The following PRKN variants were observed in gnomAD, a reference collection of about 807,000 sequenced individuals.
PRKN encodes the protein E3 ubiquitin-protein ligase parkin.
PRKN carries 56 observed loss-of-function variants against 59.5 expected under a neutral mutation model. The ratio of observed to expected loss-of-function variants is 0.94; its 90% CI spans 0.76 to 1.18. PRKN has a LOEUF of 1.18. Among genes scored for constraint, PRKN ranks in the 50% most tolerant of loss-of-function variants. The pLI is 0.00. For synonymous variants in PRKN, 250 were observed against 222.1 expected, an observed-to-expected ratio of 1.13 and a Z score of -1.12; for missense variants, 657 against 596.4, an observed-to-expected ratio of 1.10 and a Z score of -1.06.
chr6:162,093,658 C>A (rs1257615988), intron 4 of PRKN, among the ~76,000 whole-genome samples: 1 of 152,134 alleles, frequency 6.6e-6, no homozygotes, highest in African/African-American at 2.4e-5. Flanking sequence ...TCCTGTACCC[C>A]CTAAACATTT....
In PRKN at chr6:161,548,818, G is replaced by C; in HGVS notation, c.1083+36C>G. 1.2e-6 allele frequency: 2 copies of C among 1,604,590 alleles called. No individual in the cohort carries two copies. Among genetic ancestry groups the C allele is most frequent in the South Asian group, 2.2e-5 (2 of 90,876 alleles). ...CCATGTGCAAAAGCAAACAAGGACA[G>C]GAACACACCGCTCCAGGGGTGTGGG... On this transcript the variant is annotated intron_variant, in intron 9 of 11. Coordinates refer to ENST00000366898, the MANE Select transcript of PRKN (RefSeq NM_004562.3). This position sits in a 1 kb window ranked among gnomAD's most constrained non-coding sequence, Gnocchi z 4.2.
intron 4 of PRKN, among the ~76,000 whole-genome samples, chr6:162,181,389 T>C (rs1783797795): frequency 6.6e-6 from 1 of 152,228 alleles, no homozygotes; most frequent in African/African-American, 2.4e-5. Context: ...GCACATGAGC[T>C]GAATAAGGAT....
At chr6:161,420,509 T>A (rs1432102599) in intron 9 of PRKN, among the ~76,000 whole-genome samples, 1 of 151,976 alleles carries the variant, frequency 6.6e-6, no homozygotes, top group African/African-American at 2.4e-5. Flanking sequence ...TATTTTCTTT[T>A]TTTTCTTTCT....
At chr6:161,962,966 G>A (rs148772929) in intron 6 of PRKN, among the ~76,000 whole-genome samples, 5,757 of 152,028 alleles carry the variant, frequency 0.038, 365 homozygotes, top group African/African-American at 0.13. Context: ...CCAACATGGC[G>A]AAACCCCGTC....
chr6:161,897,363 G>A lies in PRKN; in HGVS notation c.734+75939C>T, dbSNP rs757656159. Among the ~76,000 whole-genome samples the A allele has an allele frequency of 3.9e-5, 6 of 151,978 alleles. No individual in the cohort carries two copies. In the East Asian group the frequency reaches 7.7e-4, roughly 20 times the overall value. On this transcript the variant is annotated intron_variant, in intron 6 of 11. Transcript: ENST00000366898. ...AACTTCTCTTCTTTTTCAGATATGC[G>A]GTCACCTTATTTATGTATGTGTTGA...
chr6:162,667,045 A>C (rs1187060502), intron 1 of PRKN, among the ~76,000 whole-genome samples: 2 of 152,116 alleles, frequency 1.3e-5, no homozygotes, highest in African/African-American at 4.8e-5. Flanking sequence ...CAAATTAATC[A>C]AGTACAATAA....
rs1366512954 is a variant in PRKN at position 161,451,213 on chromosome 6, A to C, written c.1084-64336T>G. Among the ~76,000 whole-genome samples the C allele has an allele frequency of 6.6e-6, 1 of 152,180 alleles. No homozygotes were observed. The highest frequency in any genetic ancestry group is 1.5e-5 in the Non-Finnish European group (1 of 68,046). On this transcript the variant is annotated intron_variant, in intron 9 of 11. Coordinates refer to ENST00000366898, the MANE Select transcript of PRKN (RefSeq NM_004562.3). The surrounding 1 kb of genome is among the most constrained non-coding windows in gnomAD (Gnocchi z 5.9). Reference sequence around the variant, plus strand: ...CCCAAGGCCAATCTCCCATTGCAACAAATGAACTATTAAAAACAGGGGTCT... The same window carrying C: ...CCCAAGGCCAATCTCCCATTGCAACCAATGAACTATTAAAAACAGGGGTCT...
chr6:161,507,448 C>T (rs1778215255), intron 9 of PRKN, among the ~76,000 whole-genome samples: 1 of 152,182 alleles, frequency 6.6e-6, no homozygotes, highest in Admixed American at 6.5e-5. Flanking sequence ...TCTGCCTGTA[C>T]ATGGCCCAAT....
At chr6:162,698,658 A>C (rs915973484) in intron 1 of PRKN, among the ~76,000 whole-genome samples, 4 of 152,170 alleles carry the variant, frequency 2.6e-5, no homozygotes, top group Non-Finnish European at 5.9e-5. Context: ...ACTGACTTCT[A>C]CAGCTCTCCA....
At chr6:161,902,552 A>ATCTATTTTTTTTTTTTT (rs1343265664) in intron 6 of PRKN, among the ~76,000 whole-genome samples, 2 of 121,052 alleles carry the variant, frequency 1.7e-5, no homozygotes, top group African/African-American at 3.3e-5. Flanking sequence ...CTATCTATTT[A>ATCTATTTTTTTTTTTTT]TTTATTTATT....
intron 1 of PRKN, among the ~76,000 whole-genome samples, chr6:162,581,123 T>A (rs1365012575): frequency 6.6e-6 from 1 of 152,022 alleles, no homozygotes; most frequent in African/African-American, 2.4e-5. Flanking sequence ...ATAAAAAGAT[T>A]AAACGTATTA....
At position 161,499,987 on chromosome 6, in the gene PRKN, T is replaced by G. The variant is rs1204333896; in HGVS notation, c.1083+48867A>C. ...TGCCCTCACTCTCCTCCTTCCCCAC[T>G]TTTGTTCATGCAGTGTCTTTGCCAA... On this transcript the variant is annotated intron_variant, in intron 9 of 11. Transcript: ENST00000366898. The surrounding 1 kb of genome is among the most constrained non-coding windows in gnomAD (Gnocchi z 4.2). 1.3e-5 allele frequency among the ~76,000 whole-genome samples: 2 copies of G among 152,186 alleles called. No homozygotes were observed. Among genetic ancestry groups the G allele is most frequent in the African/African-American group, 4.8e-5 (2 of 41,438 alleles).
At chr6:162,658,503 A>G (rs1778743871) in intron 1 of PRKN, among the ~76,000 whole-genome samples, 2 of 152,010 alleles carry the variant, frequency 1.3e-5, no homozygotes, top group South Asian at 4.2e-4. Context: ...CTCTACAAAT[A>G]TAAAAAAATT....
intron 5 of PRKN, among the ~76,000 whole-genome samples, chr6:162,021,459 ATATTT>A (rs1370498953): frequency 0.027 from 902 of 33,856 alleles, 10 homozygotes; most frequent in African/African-American, 0.059. Flanking sequence ...ATATATATAT[ATATTT>A]TTTTTTTTTT....
In PRKN at chr6:161,582,984, AC is replaced by A. The variant is rs1781396954; in HGVS notation, c.872-13569del. 7.8e-6 allele frequency among the ~76,000 whole-genome samples: 1 copy of A among 127,836 alleles called. No individual in the cohort carries two copies. The highest frequency in any genetic ancestry group is 1.7e-5 in the Non-Finnish European group (1 of 58,824). The allele number at this position is 127,836 out of a possible 152,430, so 83.9% of individuals were successfully genotyped here. ...ATGGCCTATTCCAACACACACACAC[AC>A]ACACACACACACACACACACACACA... On this transcript the variant is annotated intron_variant, in intron 7 of 11. Coordinates refer to ENST00000366898, the MANE Select transcript of PRKN (RefSeq NM_004562.3). The surrounding 1 kb of genome is among the most constrained non-coding windows in gnomAD (Gnocchi z 4.4).
chr6:162,384,465 C>T (rs181635580), intron 2 of PRKN, among the ~76,000 whole-genome samples: 22 of 152,076 alleles, frequency 1.4e-4, no homozygotes, highest in African/African-American at 4.1e-4. Context: ...AGCAGTTCAT[C>T]GCACTCCAAA....
At chr6:162,669,624 T>C (rs1475041427) in intron 1 of PRKN, among the ~76,000 whole-genome samples, 1 of 152,190 alleles carries the variant, frequency 6.6e-6, no homozygotes, top group Non-Finnish European at 1.5e-5. Context: ...TAATTCATAC[T>C]TCCCCAAAAC....
intron 5 of PRKN, among the ~76,000 whole-genome samples, chr6:162,011,824 G>A (rs1210761379): frequency 6.6e-6 from 1 of 151,646 alleles, no homozygotes; most frequent in Non-Finnish European, 1.5e-5. Context: ...TTACAAAATA[G>A]CAACTATCAA....
chr6:161,413,803 A>C lies in PRKN; in HGVS notation c.1084-26926T>G, dbSNP rs1264457744. 6.6e-6 allele frequency among the ~76,000 whole-genome samples: 1 copy of C among 152,146 alleles called. No individual in the cohort carries two copies. Among genetic ancestry groups the C allele is most frequent in the African/African-American group, 2.4e-5 (1 of 41,418 alleles). On this transcript the variant is annotated intron_variant, in intron 9 of 11. Coordinates refer to ENST00000366898, the MANE Select transcript of PRKN (RefSeq NM_004562.3). This position sits in a 1 kb window ranked among gnomAD's most constrained non-coding sequence, Gnocchi z 4.4. Reference sequence around the variant, plus strand: ...CTAGCTCTGAGGAAGCTCATTCAAAAATGCAATTTTTAATTAAAAGGGAAA... The same window carrying C: ...CTAGCTCTGAGGAAGCTCATTCAAACATGCAATTTTTAATTAAAAGGGAAA...
Sources: allele counts gnomAD v4.1 joint callset (sites outside exome capture counted in the v4.1 genomes callset), GRCh38; gene constraint gnomAD v4.1.1; non-coding constraint Gnocchi (gnomAD v3.1); transcripts MANE v1.5; gene names NCBI Gene and HGNC (gene_info 2026-07-23, HGNC 2026-07-21).